AKAP13: variants seen among roughly 807,000 people sequenced by gnomAD.
The protein encoded by AKAP13 is A-kinase anchoring protein 13.
A neutral mutation model predicts 264.5 loss-of-function variants in AKAP13; 80 were observed. The ratio of observed to expected loss-of-function variants is 0.30; its 90% CI spans 0.25 to 0.36. The LOEUF (loss-of-function observed/expected upper bound fraction) is 0.36, where lower values mean the gene tolerates loss of function less well. Among genes scored for constraint, AKAP13 ranks in the 10% least tolerant of loss-of-function variants. The probability of loss-of-function intolerance (pLI) is 1.00; values close to 1 mark genes in which losing one functional copy is unlikely to be tolerated. For synonymous variants in AKAP13, 1,380 were observed against 1,250.2 expected (o/e 1.10, Z -2.19); for missense variants, 3,712 against 3,435.2 (o/e 1.08, Z -2.01).
chr15:85,455,879 TGG>T (rs1771319633), intron 1 of AKAP13, among the ~76,000 whole-genome samples: 1 of 152,236 alleles, frequency 6.6e-6, no homozygotes, highest in Admixed American at 6.5e-5. Context: ...AATCTTCTTC[TGG>T]GACTTAGGAT....
intron 8 of AKAP13, among the ~76,000 whole-genome samples, chr15:85,626,317 A>G (rs1270982211): frequency 6.6e-6 from 1 of 152,228 alleles, no homozygotes; most frequent in Non-Finnish European, 1.5e-5. Context: ...GTACATTCAC[A>G]TTGTTATATA....
chr15:85,496,954 A>T (rs1389024067), intron 2 of AKAP13, among the ~76,000 whole-genome samples: 1 of 152,064 alleles, frequency 6.6e-6, no homozygotes, highest in African/African-American at 2.4e-5. Flanking sequence ...TTTGAATTTG[A>T]AGTTAATGGG....
intron 8 of AKAP13, chr15:85,635,006 C>T (rs1165782373): frequency 2.0e-5 from 8 of 397,552 alleles, no homozygotes; most frequent in Non-Finnish European, 3.5e-5. Flanking sequence ...TAGTTTGGAG[C>T]TCTCATGAAT....
At chr15:85,523,273 T>C (rs2076895825) in intron 3 of AKAP13, among the ~76,000 whole-genome samples, 1 of 152,110 alleles carries the variant, frequency 6.6e-6, no homozygotes, top group East Asian at 1.9e-4. Flanking sequence ...GTCATTTGGC[T>C]TAGTTTGGTA....
At chr15:85,735,658 C>T (rs1473848575) in intron 32 of AKAP13, 28 bp downstream of exon 32, 1 of 1,591,568 alleles carries the variant, frequency 6.3e-7, no homozygotes, top group African/African-American at 1.4e-5. Flanking sequence ...ACACCATGAA[C>T]CTCCTTGGCA....
At chr15:85,430,096 G>A (rs2072960784) in intron 1 of AKAP13, among the ~76,000 whole-genome samples, 1 of 152,088 alleles carries the variant, frequency 6.6e-6, no homozygotes, top group Non-Finnish European at 1.5e-5. Flanking sequence ...ATATCTTTTG[G>A]ACTAAACTTC....
intron 8 of AKAP13, among the ~76,000 whole-genome samples, chr15:85,601,608 T>TTTTGTGTGTGTGTGTGTG (rs369305957): frequency 7.6e-6 from 1 of 131,990 alleles, no homozygotes; most frequent in African/African-American, 2.9e-5. Context: ...CCTGAATTCT[T>TTTTGTGTGTGTGTGTGTG]TGTGTGTGTG....
chr15:85,695,956 A>T (rs1006144098), intron 17 of AKAP13, among the ~76,000 whole-genome samples: 3 of 152,222 alleles, frequency 2.0e-5, no homozygotes, highest in African/African-American at 4.8e-5. Context: ...TACTGGAATA[A>T]CCTGGTTGCC....
chr15:85,680,415 C>A (rs950962941), intron 14 of AKAP13, among the ~76,000 whole-genome samples: 5 of 152,144 alleles, frequency 3.3e-5, no homozygotes, highest in African/African-American at 1.2e-4. Context: ...TGCTGCTAAT[C>A]TTTCCCTCTT....
intron 8 of AKAP13, among the ~76,000 whole-genome samples, chr15:85,593,884 C>T (rs8029170): frequency 0.63 from 94,958 of 151,932 alleles, 29,819 homozygotes; most frequent in Middle Eastern, 0.72. Flanking sequence ...AGGGTTTTAA[C>T]CTAGTTTTGC....
intron 8 of AKAP13, among the ~76,000 whole-genome samples, chr15:85,595,128 C>T (rs1228063010): frequency 6.6e-6 from 1 of 152,116 alleles, no homozygotes. Flanking sequence ...GAGATAGGGT[C>T]TCACTTTGTT....
At chr15:85,402,278 G>A (rs911736837) in intron 1 of AKAP13, among the ~76,000 whole-genome samples, 2 of 152,180 alleles carry the variant, frequency 1.3e-5, no homozygotes, top group African/African-American at 2.4e-5. Flanking sequence ...TGTGTTTCCT[G>A]TAATGTTTCC....
chr15:85,710,511 C>T, intron 18 of AKAP13, 68 bp from the exon 19 acceptor site: 2 of 1,509,298 alleles, frequency 1.3e-6, no homozygotes, highest in Non-Finnish European at 1.8e-6. Flanking sequence ...TGCTTGCTCC[C>T]TTCCTACTCG....
At chr15:85,613,384 A>G (rs1417567376) in intron 8 of AKAP13, among the ~76,000 whole-genome samples, 1 of 152,036 alleles carries the variant, frequency 6.6e-6, no homozygotes, top group African/African-American at 2.4e-5. Context: ...ATTTTACTTA[A>G]TCTTAGGAGT....
intron 1 of AKAP13, among the ~76,000 whole-genome samples, chr15:85,442,875 A>T (rs745570385): frequency 1.3e-5 from 2 of 152,098 alleles, no homozygotes; most frequent in African/African-American, 2.4e-5. Flanking sequence ...TTTGATGAGC[A>T]TCTATTGTGA....
intron 5 of AKAP13, among the ~76,000 whole-genome samples, chr15:85,573,576 T>TAAATAAATAAATAAATAA (rs879294735): frequency 1.5e-4 from 13 of 88,750 alleles, no homozygotes; most frequent in African/African-American, 6.2e-4. Flanking sequence ...TAAATAAATA[T>TAAATAAATAAATAAATAA]GATATGATAT....
chr15:85,416,306 G>T (rs1194009796), intron 1 of AKAP13, among the ~76,000 whole-genome samples: 1 of 152,174 alleles, frequency 6.6e-6, no homozygotes, highest in Non-Finnish European at 1.5e-5. Flanking sequence ...ACTTTCTTGG[G>T]AGTGGGGCTA....
At chr15:85,560,807 A>G (rs2078344232) in intron 5 of AKAP13, among the ~76,000 whole-genome samples, 1 of 152,194 alleles carries the variant, frequency 6.6e-6, no homozygotes, top group South Asian at 2.1e-4. Context: ...CTAAATTTCA[A>G]GGAATTGTAT....
intron 9 of AKAP13, among the ~76,000 whole-genome samples, chr15:85,641,811 T>A (rs1205912675): frequency 6.6e-6 from 1 of 152,064 alleles, no homozygotes; most frequent in Non-Finnish European, 1.5e-5. Flanking sequence ...TCTTTTAAAA[T>A]CACTTTGTAT....
Sources: gnomAD v4.1 joint callset for allele counts (sites outside exome capture counted in the v4.1 genomes callset) on GRCh38, gnomAD v4.1.1 for gene constraint, MANE v1.5 for transcripts, NCBI Gene and HGNC (gene_info 2026-07-23, HGNC 2026-07-21) for gene names.